Variants in BBOX1 observed in about 807,000 individuals in gnomAD.
BBOX1 encodes the protein gamma-butyrobetaine dioxygenase.
A neutral mutation model predicts 41.6 loss-of-function variants in BBOX1; 35 were observed. The ratio of observed to expected loss-of-function variants is 0.84; its 90% CI spans 0.64 to 1.11. The LOEUF (loss-of-function observed/expected upper bound fraction) is 1.11, where lower values mean the gene tolerates loss of function less well. Among genes scored for constraint, BBOX1 ranks in the 50% most tolerant of loss-of-function variants. The pLI is 0.00. For missense variants in BBOX1, 458 were observed against 460.6 expected, an observed-to-expected ratio of 0.99 and a Z score of 0.05; for synonymous variants, 163 against 154.7, an observed-to-expected ratio of 1.05 and a Z score of -0.40.
At position 27,052,025 on chromosome 11, in the gene BBOX1, T is replaced by C. The variant is rs138937917; in HGVS notation, c.-38-3368T>C. Among the ~76,000 whole-genome samples, 5 of 152,230 alleles carry C rather than the reference T, an allele frequency of 3.3e-5. No individual in the cohort carries two copies. The East Asian group carries it at 9.6e-4, about 29-fold the overall frequency. ...TCTCAAGATATTTTTAATTTCTCTT[T>C]TGATTTTTTTCCTTGACCCATTAGT... On this transcript the variant is annotated intron_variant, in intron 2 of 8. Transcript: ENST00000263182.
chr11:27,043,676 G>A (rs1251369000), intron 2 of BBOX1, among the ~76,000 whole-genome samples: 2 of 152,112 alleles, frequency 1.3e-5, no homozygotes, highest in Non-Finnish European at 2.9e-5. Flanking sequence ...TCCCACTTAT[G>A]AGTGAGAACA....
intron 2 of BBOX1, among the ~76,000 whole-genome samples, chr11:27,046,723 G>T (rs1460240190): frequency 1.3e-5 from 2 of 152,052 alleles, no homozygotes; most frequent in Non-Finnish European, 2.9e-5. Flanking sequence ...ATATATAGGA[G>T]CTATATCTAA....
chr11:27,056,052 C>T (rs1590169810), intron 3 of BBOX1, among the ~76,000 whole-genome samples: 1 of 152,212 alleles, frequency 6.6e-6, no homozygotes, highest in African/African-American at 2.4e-5. Context: ...GGACTTTACT[C>T]CCAGATTTCA....
intron 5 of BBOX1, among the ~76,000 whole-genome samples, chr11:27,102,600 G>A (rs966993089): frequency 2.0e-5 from 3 of 152,054 alleles, no homozygotes; most frequent in African/African-American, 7.2e-5. Context: ...CTACTTTTCA[G>A]TTTTTCAATA....
chr11:27,064,941 C>T (rs192659235), intron 4 of BBOX1, among the ~76,000 whole-genome samples: 73 of 152,080 alleles, frequency 4.8e-4, no homozygotes, highest in African/African-American at 1.6e-3. Context: ...ATCTCAAAGG[C>T]CCATATACAA....
intron 4 of BBOX1, among the ~76,000 whole-genome samples, chr11:27,090,769 C>A (rs1858215734): frequency 6.6e-6 from 1 of 151,828 alleles, no homozygotes; most frequent in African/African-American, 2.4e-5. Flanking sequence ...ATCTCAAACA[C>A]ATAAAACAGA....
intron 2 of BBOX1, among the ~76,000 whole-genome samples, chr11:27,049,619 AT>A (rs1851606633): frequency 6.6e-6 from 1 of 152,066 alleles, no homozygotes; most frequent in Admixed American, 6.6e-5. Context: ...TATTTTGGAA[AT>A]TAACCCCTTA....
chr11:27,091,832 T>C (rs966672758), intron 4 of BBOX1, among the ~76,000 whole-genome samples: 4 of 152,014 alleles, frequency 2.6e-5, no homozygotes, highest in Non-Finnish European at 4.4e-5. Flanking sequence ...AAATAATTAA[T>C]GCAGCTCTAG....
At position 27,093,155 on chromosome 11, in the gene BBOX1, T is replaced by C. The variant is rs775956024; in HGVS notation, c.335-13T>C. 6.2e-7 allele frequency: 1 copy of C among 1,610,154 alleles called. No homozygotes were observed. Among genetic ancestry groups the C allele is most frequent in the Non-Finnish European group, 8.5e-7 (1 of 1,177,282 alleles). On this transcript the variant is annotated splice_polypyrimidine_tract_variant and intron_variant, in intron 4 of 8. Transcript: ENST00000263182. ...GTAATCCCATCTGATTTCTTCATTTTATCAATTCACAGAATGCCAATACTG... is the reference window on the plus strand; with the variant it reads ...GTAATCCCATCTGATTTCTTCATTTCATCAATTCACAGAATGCCAATACTG...
chr11:27,101,840 T>C (rs1858672488), intron 5 of BBOX1, among the ~76,000 whole-genome samples: 1 of 152,146 alleles, frequency 6.6e-6, no homozygotes, highest in Non-Finnish European at 1.5e-5. Context: ...TCTTTATATT[T>C]TGTGGCAAAA....
intron 5 of BBOX1, among the ~76,000 whole-genome samples, chr11:27,107,889 C>T (rs1350089554): frequency 2.0e-5 from 3 of 152,006 alleles, no homozygotes; most frequent in Non-Finnish European, 4.4e-5. Flanking sequence ...GTGTCCTCAA[C>T]AATAAGTAGC....
rs181973801 is a variant in BBOX1, at chr11:27,062,583, G to A, written c.334+5268G>A. 5.4e-5 allele frequency among the ~76,000 whole-genome samples: 8 copies of A among 149,520 alleles called. No homozygotes were observed. The East Asian group carries it at 7.8e-4, about 15-fold the overall frequency. ...TTTCTTTTTCTTTTTTTTTTGAGACGGAGTCTTCCTCTGTCACCAGGCTAG... is the reference window on the plus strand; with the variant it reads ...TTTCTTTTTCTTTTTTTTTTGAGACAGAGTCTTCCTCTGTCACCAGGCTAG... On this transcript the variant is annotated intron_variant, in intron 4 of 8. Transcript: ENST00000263182.
chr11:27,044,948 T>G (rs748715693), intron 2 of BBOX1, among the ~76,000 whole-genome samples: 2 of 152,188 alleles, frequency 1.3e-5, no homozygotes, highest in Admixed American at 6.5e-5. Flanking sequence ...TAAAGTAGTT[T>G]TTTCCAATTC....
chr11:27,069,521 T>C (rs1218965304), intron 4 of BBOX1, among the ~76,000 whole-genome samples: 1 of 152,058 alleles, frequency 6.6e-6, no homozygotes, highest in East Asian at 1.9e-4. Flanking sequence ...CGGTGAACAG[T>C]GATAATTTGA....
intron 5 of BBOX1, among the ~76,000 whole-genome samples, chr11:27,106,342 C>T (rs1417634318): frequency 6.6e-6 from 1 of 151,720 alleles, no homozygotes; most frequent in Non-Finnish European, 1.5e-5. Context: ...ATTCAGGAGA[C>T]CCATCTCATG....
At chr11:27,111,226 T>C (rs960149475) in intron 5 of BBOX1, among the ~76,000 whole-genome samples, 2 of 151,958 alleles carry the variant, frequency 1.3e-5, no homozygotes, top group Non-Finnish European at 2.9e-5. Flanking sequence ...GAGGCCATTA[T>C]TGTCAGCAAA....
intron 7 of BBOX1, among the ~76,000 whole-genome samples, chr11:27,120,245 A>G (rs1279018061): frequency 1.3e-5 from 2 of 152,106 alleles, no homozygotes; most frequent in Non-Finnish European, 2.9e-5. Context: ...GCCATCTTCT[A>G]TGTTAGCTTT....
At chr11:27,100,968 A>T (rs748642103) in intron 5 of BBOX1, among the ~76,000 whole-genome samples, 2 of 151,980 alleles carry the variant, frequency 1.3e-5, no homozygotes, top group Admixed American at 6.6e-5. Context: ...CCTTTTATGT[A>T]CTAAGTATTG....
chr11:27,073,839 C>T (rs1268378314), intron 4 of BBOX1, among the ~76,000 whole-genome samples: 1 of 151,994 alleles, frequency 6.6e-6, no homozygotes, highest in Non-Finnish European at 1.5e-5. Flanking sequence ...TGCATGTTCT[C>T]ACTCATAGGT....
Sources: gnomAD v4.1 joint callset for allele counts (sites outside exome capture counted in the v4.1 genomes callset) on GRCh38, gnomAD v4.1.1 for gene constraint, MANE v1.5 for transcripts, NCBI Gene and HGNC (gene_info 2026-07-23, HGNC 2026-07-21) for gene names.